ATP2C1: variants seen among roughly 807,000 people sequenced by gnomAD.
ATP2C1 encodes ATPase secretory pathway Ca2+ transporting 1.
ATP2C1 carries 31 observed loss-of-function variants against 120.5 expected under a neutral mutation model. The observed-to-expected ratio is 0.26, with a 90% CI of 0.19 to 0.35. ATP2C1 has a LOEUF of 0.35. ATP2C1 is among the 10% of genes least tolerant of loss of function. ATP2C1 has a pLI of 1.00. For missense variants in ATP2C1, 731 were observed against 1,107.5 expected (o/e 0.66, Z 4.83); for synonymous variants, 351 against 358.7 (o/e 0.98, Z 0.24).
chr3:130,893,096 A>G (rs1233881389), upstream of ATP2C1, among the ~76,000 whole-genome samples: 1 of 152,184 alleles, frequency 6.6e-6, no homozygotes, highest in African/African-American at 2.4e-5. Flanking sequence ...TGGGTGTGAG[A>G]GGACTTCTGT....
intron 1 of ATP2C1, among the ~76,000 whole-genome samples, chr3:130,880,113 T>G (rs2068735101): frequency 6.6e-6 from 1 of 152,230 alleles, no homozygotes; most frequent in Non-Finnish European, 1.5e-5. Context: ...CATTAAAAGA[T>G]ATACTATAAT....
chr3:131,004,934 A>G (rs2063045232), downstream of ATP2C1, among the ~76,000 whole-genome samples: 1 of 152,150 alleles, frequency 6.6e-6, no homozygotes, highest in Admixed American at 6.5e-5. Context: ...GGGCATTTCA[A>G]GAGTTTGATG....
At chr3:130,958,213 CA>C (rs1280763222) in intron 11 of ATP2C1, among the ~76,000 whole-genome samples, 1 of 151,960 alleles carries the variant, frequency 6.6e-6, no homozygotes, top group African/African-American at 2.4e-5. Context: ...AGAGCTAGAT[CA>C]GGGGTCAGCA....
intron 2 of ATP2C1, among the ~76,000 whole-genome samples, chr3:130,903,976 C>T (rs570351264): frequency 6.6e-6 from 1 of 152,022 alleles, no homozygotes; most frequent in African/African-American, 2.4e-5. Flanking sequence ...TCAAAAAATG[C>T]CAAATTCTTC....
At chr3:130,957,728 T>C (rs186989026) in intron 11 of ATP2C1, among the ~76,000 whole-genome samples, 78 of 152,140 alleles carry the variant, frequency 5.1e-4, no homozygotes, top group Non-Finnish European at 9.3e-4. Context: ...TTTTATTGTA[T>C]TTTTAATAGG....
At chr3:130,904,449 C>T (rs1039012522) in intron 2 of ATP2C1, among the ~76,000 whole-genome samples, 3 of 151,844 alleles carry the variant, frequency 2.0e-5, no homozygotes, top group African/African-American at 7.3e-5. Flanking sequence ...GATCTTCACC[C>T]GTGATTAGCA....
rs147950319 is a variant in ATP2C1 at position 130,920,551 on chromosome 3, A to G, written c.7-9865A>G. Among the ~76,000 whole-genome samples, 55 of 152,238 alleles carry G rather than the reference A, an allele frequency of 3.6e-4. No individual in the cohort carries two copies. In the East Asian group the frequency reaches 9.6e-3, roughly 27 times the overall value. ...GCTCTATATGTCCGTCTTTATGCCAATACCATACTGTTTAGATTATGGTAG... is the reference window on the plus strand; with the variant it reads ...GCTCTATATGTCCGTCTTTATGCCAGTACCATACTGTTTAGATTATGGTAG... On this transcript the variant is annotated intron_variant, in intron 2 of 27. Transcript: ENST00000510168.
At chr3:130,884,570 G>T (rs2068900005) in intron 1 of ATP2C1, among the ~76,000 whole-genome samples, 1 of 152,160 alleles carries the variant, frequency 6.6e-6, no homozygotes, top group Admixed American at 6.5e-5. Context: ...TTTCTGTCTA[G>T]GAGGTCTGTC....
chr3:130,993,078 C>G, intron 21 of ATP2C1, 77 bp downstream of exon 21: 1 of 1,279,466 alleles, frequency 7.8e-7, no homozygotes, highest in Admixed American at 1.7e-5. Flanking sequence ...GTTTGCATTA[C>G]AGGGAGTAGA....
chr3:130,857,378 C>T (rs898754506), intron 1 of ATP2C1, among the ~76,000 whole-genome samples: 7 of 152,182 alleles, frequency 4.6e-5, no homozygotes, highest in African/African-American at 1.7e-4. Context: ...GATATTTAGG[C>T]AGAGGCCTAG....
chr3:130,861,919 G>C (rs2068025895), intron 1 of ATP2C1, among the ~76,000 whole-genome samples: 1 of 152,072 alleles, frequency 6.6e-6, no homozygotes, highest in Admixed American at 6.5e-5. Flanking sequence ...GGGGGCCACA[G>C]GATCTTTAAT....
chr3:130,983,382 C>T (rs186251022), intron 20 of ATP2C1, among the ~76,000 whole-genome samples: 1 of 152,298 alleles, frequency 6.6e-6, no homozygotes, highest in Non-Finnish European at 1.5e-5. Context: ...TACATTCCTA[C>T]TCCATCTCTA....
downstream of ATP2C1, among the ~76,000 whole-genome samples, chr3:131,006,586 C>T (rs1172838820): frequency 6.6e-6 from 1 of 151,866 alleles, no homozygotes; most frequent in Non-Finnish European, 1.5e-5. Context: ...TACTTCAGAG[C>T]CCAGTGAAAT....
rs1169614258 is a variant in ATP2C1, at chr3:130,967,431, A to C, written c.1308+12A>C. 1 of 1,609,222 alleles carries C rather than the reference A, an allele frequency of 6.2e-7. No individual in the cohort carries two copies. The highest frequency in any genetic ancestry group is 2.2e-5 in the East Asian group (1 of 44,780). ...CTCTTGCAATGAAGGTACGTACCTAAATTTCTCTTCTTTGACATTTGAGAC... is the reference window on the plus strand; with the variant it reads ...CTCTTGCAATGAAGGTACGTACCTACATTTCTCTTCTTTGACATTTGAGAC... On this transcript the variant is annotated intron_variant, in intron 16 of 27. Transcript: ENST00000510168.
At chr3:130,910,039 A>G (rs2058323412) in intron 2 of ATP2C1, among the ~76,000 whole-genome samples, 1 of 152,076 alleles carries the variant, frequency 6.6e-6, no homozygotes, top group African/African-American at 2.4e-5. Flanking sequence ...TCTCATAAGT[A>G]TACGTGTATG....
chr3:130,954,105 A>T, intron 9 of ATP2C1, 129 bp downstream of exon 9: 1 of 978,288 alleles, frequency 1.0e-6, no homozygotes, highest in African/African-American at 1.6e-5. Context: ...TTAACCCATT[A>T]CATCTATTTG....
chr3:131,009,624 A>G (rs1474746335), intron 26 of ATP2C1, among the ~76,000 whole-genome samples: 2 of 152,140 alleles, frequency 1.3e-5, no homozygotes, highest in Admixed American at 6.5e-5. Context: ...CTTCCTTAAC[A>G]TGAAGTTCTC....
chr3:130,999,136 A>C (rs2062770896), intron 26 of ATP2C1, among the ~76,000 whole-genome samples: 1 of 152,180 alleles, frequency 6.6e-6, no homozygotes, highest in Non-Finnish European at 1.5e-5. Flanking sequence ...CAGTACACAC[A>C]CAATTAGGTC....
chr3:131,014,501 C>T, intron 26 of ATP2C1: 13 of 960,094 alleles, frequency 1.4e-5, no homozygotes, highest in Non-Finnish European at 1.8e-5. Context: ...TCTTATTGCT[C>T]TATAATATTA....
Sources: gnomAD v4.1 joint callset for allele counts (sites outside exome capture counted in the v4.1 genomes callset) on GRCh38, gnomAD v4.1.1 for gene constraint, MANE v1.5 for transcripts, NCBI Gene and HGNC (gene_info 2026-07-23, HGNC 2026-07-21) for gene names.